The following FGF12 variants were observed in gnomAD, a reference collection of about 807,000 sequenced individuals.
FGF12 encodes the protein fibroblast growth factor 12.
FGF12 carries 14 observed loss-of-function variants against 23.6 expected under a neutral mutation model. The observed-to-expected ratio is 0.59, with a 90% CI of 0.39 to 0.93. FGF12 has a LOEUF of 0.93. Among genes scored for constraint, FGF12 ranks in the 40% least tolerant of loss-of-function variants. The pLI, the probability that FGF12 is intolerant of heterozygous loss-of-function variation, is 0.00. For missense variants in FGF12, 175 were observed against 217.8 expected (o/e 0.80, Z 1.24); for synonymous variants, 62 against 77.3 (o/e 0.80, Z 1.04).
intron 4 of FGF12, chr3:192,282,839 T>C (rs1714227585): frequency 6.6e-6 from 1 of 152,134 alleles, no homozygotes; most frequent in Non-Finnish European, 1.5e-5. Flanking sequence ...AGAGAGTATA[T>C]ACTATAAATA....
At chr3:192,417,544 G>A (rs1199619447) in intron 2 of FGF12, among the ~76,000 whole-genome samples, 5 of 152,060 alleles carry the variant, frequency 3.3e-5, no homozygotes, top group African/African-American at 1.2e-4. Flanking sequence ...TGTTCAGGAT[G>A]AATAAGAATA....
intron 2 of FGF12, among the ~76,000 whole-genome samples, chr3:192,473,525 A>G (rs1007606614): frequency 4.6e-5 from 7 of 152,210 alleles, no homozygotes; most frequent in African/African-American, 1.4e-4. Flanking sequence ...AACTCATGGT[A>G]ATTATTACTT....
rs951379194 is a variant in FGF12 at position 192,300,942 on chromosome 3, C to T, written c.228+34419G>A. Among the ~76,000 whole-genome samples the T allele has an allele frequency of 4.6e-5, 7 of 152,152 alleles. No individual in the cohort carries two copies. The East Asian group carries it at 9.6e-4, about 21-fold the overall frequency. Reference sequence around the variant, plus strand: ...CTGAGGCATGAGAATTGCTTGAATCCGGGAGTCGAGATCACCCCACTGCAC... The same window carrying T: ...CTGAGGCATGAGAATTGCTTGAATCTGGGAGTCGAGATCACCCCACTGCAC... On this transcript the variant is annotated intron_variant, in intron 4 of 5. Coordinates refer to ENST00000445105, the MANE Select transcript of FGF12 (RefSeq NM_004113.6).
intron 2 of FGF12, among the ~76,000 whole-genome samples, chr3:192,458,498 A>G (rs1185040219): frequency 2.6e-5 from 4 of 152,044 alleles, no homozygotes; most frequent in African/African-American, 9.7e-5. Flanking sequence ...GGAACTTTAA[A>G]ATTTGCCTGC....
At chr3:192,533,683 G>C (rs1400360160) in intron 2 of FGF12, among the ~76,000 whole-genome samples, 10 of 152,136 alleles carry the variant, frequency 6.6e-5, no homozygotes, top group Admixed American at 6.6e-4. Flanking sequence ...AGCCAAAACT[G>C]TCCTCTATGT....
chr3:192,423,893 T>C (rs567447526), intron 2 of FGF12, among the ~76,000 whole-genome samples: 1 of 152,298 alleles, frequency 6.6e-6, no homozygotes, highest in African/African-American at 2.4e-5. Context: ...CTAGTTATTA[T>C]CAACACTCAC....
intron 4 of FGF12, among the ~76,000 whole-genome samples, chr3:192,288,150 G>A (rs1293026987): frequency 2.0e-5 from 3 of 152,046 alleles, no homozygotes; most frequent in African/African-American, 7.2e-5. Flanking sequence ...GTTTTCAAGC[G>A]ATGTGTGGGC....
chr3:192,534,083 A>C (rs994276475), intron 2 of FGF12: 3 of 194,548 alleles, frequency 1.5e-5, no homozygotes, highest in African/African-American at 7.0e-5. Context: ...GTGAACACCC[A>C]ATCATCATGC....
At chr3:192,595,360 A>G (rs961972504) in intron 2 of FGF12, among the ~76,000 whole-genome samples, 1 of 152,242 alleles carries the variant, frequency 6.6e-6, no homozygotes. Context: ...AAGCAAGGGC[A>G]GCTCTCCAAT....
chr3:192,726,518 A>G (rs1252970334), intron 2 of FGF12, among the ~76,000 whole-genome samples: 1 of 152,216 alleles, frequency 6.6e-6, no homozygotes, highest in East Asian at 1.9e-4. Flanking sequence ...GTTGGCATGC[A>G]TACATTATGC....
intron 2 of FGF12, among the ~76,000 whole-genome samples, chr3:192,598,872 T>C (rs1261992905): frequency 2.0e-5 from 3 of 152,064 alleles, no homozygotes; most frequent in African/African-American, 7.2e-5. Flanking sequence ...CAAATGCCCA[T>C]CAATGATAGA....
intron 2 of FGF12, chr3:192,533,948 A>G (rs73887610): frequency 2.0e-5 from 3 of 152,042 alleles, no homozygotes; most frequent in African/African-American, 7.3e-5. Flanking sequence ...TCAGTGTCCT[A>G]TCTCTATTCC....
At chr3:192,517,850 CAT>C (rs1724712333) in intron 2 of FGF12, among the ~76,000 whole-genome samples, 2 of 152,168 alleles carry the variant, frequency 1.3e-5, no homozygotes, top group Admixed American at 1.3e-4. Context: ...AGCAACTCCT[CAT>C]GTGATTGTCA....
At chr3:192,523,060 C>T (rs1039210925) in intron 2 of FGF12, among the ~76,000 whole-genome samples, 5 of 152,018 alleles carry the variant, frequency 3.3e-5, no homozygotes, top group Admixed American at 3.3e-4. Flanking sequence ...CATATTACAA[C>T]AAAAATCAGT....
intron 2 of FGF12, among the ~76,000 whole-genome samples, chr3:192,603,342 G>A (rs1047794464): frequency 2.6e-5 from 4 of 152,062 alleles, no homozygotes; most frequent in East Asian, 3.9e-4. Flanking sequence ...AAAGTTTTAG[G>A]ATACAAAATC....
At chr3:192,154,582 G>T (rs994355217) in intron 5 of FGF12, among the ~76,000 whole-genome samples, 32 of 151,732 alleles carry the variant, frequency 2.1e-4, no homozygotes, top group African/African-American at 7.5e-4. Context: ...TGTGAGAGGT[G>T]TCAGTGTGCC....
chr3:192,693,644 A>G (rs1468010949), intron 2 of FGF12, among the ~76,000 whole-genome samples: 3 of 152,198 alleles, frequency 2.0e-5, no homozygotes, highest in South Asian at 4.1e-4. Context: ...GGAAGAAAAT[A>G]CAATGAAGAA....
At chr3:192,681,980 C>T (rs1165309721) in intron 2 of FGF12, among the ~76,000 whole-genome samples, 1 of 152,170 alleles carries the variant, frequency 6.6e-6, no homozygotes, top group Non-Finnish European at 1.5e-5. Context: ...CTTCTCTGCC[C>T]ACCCTTTTTA....
chr3:192,213,180 G>A (rs188165736), intron 4 of FGF12, among the ~76,000 whole-genome samples: 1 of 152,356 alleles, frequency 6.6e-6, no homozygotes, highest in East Asian at 1.9e-4. Context: ...AAGCACAATT[G>A]TCCCAGCAAG....
Sources: gnomAD v4.1 joint callset for allele counts (sites outside exome capture counted in the v4.1 genomes callset) on GRCh38, gnomAD v4.1.1 for gene constraint, MANE v1.5 for transcripts, NCBI Gene and HGNC (gene_info 2026-07-23, HGNC 2026-07-21) for gene names.